Variants in RNF180 observed in about 807,000 individuals in gnomAD.
RNF180 encodes the protein ring finger protein 180, also known as E3 ubiquitin-protein ligase RNF180.
In RNF180, 38 loss-of-function variants were observed where a neutral mutation model predicts 59.2. The observed-to-expected ratio is 0.64, with a 90% CI of 0.50 to 0.84. RNF180 has a LOEUF of 0.84. Among genes scored for constraint, RNF180 ranks in the 40% least tolerant of loss-of-function variants. The pLI is 0.00. For synonymous variants in RNF180, 262 were observed against 240.3 expected, an observed-to-expected ratio of 1.09 and a Z score of -0.84; for missense variants, 705 against 700.9, an observed-to-expected ratio of 1.01 and a Z score of -0.07.
intron 7 of RNF180, among the ~76,000 whole-genome samples, chr5:64,351,173 T>A (rs1253160638): frequency 1.3e-5 from 2 of 152,148 alleles, no homozygotes; most frequent in Non-Finnish European, 2.9e-5. Context: ...TTGAAGCAAT[T>A]GTGAATGGGA....
chr5:64,171,650 T>C (rs1311100495), intron 1 of RNF180, among the ~76,000 whole-genome samples: 1 of 152,208 alleles, frequency 6.6e-6, no homozygotes, highest in African/African-American at 2.4e-5. Flanking sequence ...ACCACAACTT[T>C]TTGATCATTT....
chr5:64,278,470 G>A (rs1741840478), intron 5 of RNF180, among the ~76,000 whole-genome samples: 1 of 152,170 alleles, frequency 6.6e-6, no homozygotes, highest in East Asian at 1.9e-4. Flanking sequence ...GAAATGCTAA[G>A]TCCAGACAAG....
intron 1 of RNF180, among the ~76,000 whole-genome samples, chr5:64,185,994 C>A (rs1459055619): frequency 1.3e-5 from 2 of 152,190 alleles, no homozygotes; most frequent in African/African-American, 4.8e-5. Flanking sequence ...AAGCCCAAGT[C>A]TCTCGGCTTC....
intron 5 of RNF180, among the ~76,000 whole-genome samples, chr5:64,272,896 G>C (rs960901153): frequency 6.6e-6 from 1 of 152,000 alleles, no homozygotes; most frequent in East Asian, 1.9e-4. Flanking sequence ...GAATTGAGGT[G>C]CCTTTAAGAC....
chr5:64,248,621 G>A (rs1743346844), intron 5 of RNF180, among the ~76,000 whole-genome samples: 1 of 152,184 alleles, frequency 6.6e-6, no homozygotes, highest in Non-Finnish European at 1.5e-5. Flanking sequence ...TTCTGGAGAG[G>A]TTGTGGAGAA....
chr5:64,351,223 T>A (rs1745797391), intron 7 of RNF180, among the ~76,000 whole-genome samples: 1 of 152,190 alleles, frequency 6.6e-6, no homozygotes, highest in Admixed American at 6.5e-5. Flanking sequence ...TATTGGTGTA[T>A]AAGAATCCTT....
At chr5:64,348,393 T>G (rs924991319) in intron 7 of RNF180, among the ~76,000 whole-genome samples, 3 of 152,224 alleles carry the variant, frequency 2.0e-5, no homozygotes, top group East Asian at 3.9e-4. Flanking sequence ...TTCAAGTTAT[T>G]TTATTCTGCA....
intron 5 of RNF180, among the ~76,000 whole-genome samples, chr5:64,223,110 A>T (rs982059734): frequency 3.9e-5 from 6 of 152,232 alleles, no homozygotes; most frequent in Admixed American, 2.0e-4. Context: ...ATATGTTGAC[A>T]GGGTAGTATT....
chr5:64,188,669 T>C (rs1281455460), intron 1 of RNF180, among the ~76,000 whole-genome samples: 2 of 152,210 alleles, frequency 1.3e-5, no homozygotes, highest in Non-Finnish European at 2.9e-5. Context: ...GATTTTTCTT[T>C]CTTGTTCACT....
intron 5 of RNF180, among the ~76,000 whole-genome samples, chr5:64,274,277 T>G (rs936902125): frequency 6.6e-6 from 1 of 152,020 alleles, no homozygotes; most frequent in Non-Finnish European, 1.5e-5. Flanking sequence ...ATTCACTTAT[T>G]CTTTTTTATT....
At chr5:64,304,982 C>T (rs2112464708) in intron 5 of RNF180, among the ~76,000 whole-genome samples, 1 of 151,698 alleles carries the variant, frequency 6.6e-6, no homozygotes, top group South Asian at 2.1e-4. Flanking sequence ...CCTTCACCTC[C>T]AAAAAGGATT....
chr5:64,255,659 T>C (rs531214175), intron 5 of RNF180, among the ~76,000 whole-genome samples: 1 of 152,352 alleles, frequency 6.6e-6, no homozygotes, highest in East Asian at 1.9e-4. Context: ...ACAATAAACA[T>C]ACATATGCAT....
intron 7 of RNF180, among the ~76,000 whole-genome samples, chr5:64,333,310 T>C (rs1006148700): frequency 2.4e-4 from 36 of 152,142 alleles, no homozygotes; most frequent in African/African-American, 8.2e-4. Context: ...CCCAAGTAGC[T>C]GGGATTACAG....
At position 64,173,099 on chromosome 5, in the gene RNF180, G is replaced by A. The variant is rs560766610; in HGVS notation, c.-1+7146G>A. Among the ~76,000 whole-genome samples the A allele has an allele frequency of 2.0e-5, 3 of 152,260 alleles. No individual in the cohort carries two copies. The East Asian group carries it at 5.8e-4, about 29-fold the overall frequency. ...TATACAGCAAACTGTACAAAAAATA[G>A]AATCATATTAACCAAAACCAAATAT... is the stretch of plus-strand genomic sequence containing the variant. On this transcript the variant is annotated intron_variant, in intron 1 of 7. Transcript: ENST00000389100.
chr5:64,282,738 C>T (rs916134316), intron 5 of RNF180, among the ~76,000 whole-genome samples: 2 of 152,038 alleles, frequency 1.3e-5, no homozygotes, highest in East Asian at 1.9e-4. Flanking sequence ...ATATCTTTAT[C>T]CTCATTTGTT....
At chr5:64,191,924 T>C (rs956041669) in intron 1 of RNF180, among the ~76,000 whole-genome samples, 1 of 152,224 alleles carries the variant, frequency 6.6e-6, no homozygotes, top group African/African-American at 2.4e-5. Context: ...CAGGTTCAGA[T>C]ATTACTGTTT....
At chr5:64,191,243 CCTATCATTAA>C (rs1751142304) in intron 1 of RNF180, among the ~76,000 whole-genome samples, 1 of 152,096 alleles carries the variant, frequency 6.6e-6, no homozygotes, top group Non-Finnish European at 1.5e-5. Context: ...TGCAGTTTCT[CCTATCATTAA>C]CGTTTTGTAT....
chr5:64,287,499 T>C (rs1028004820), intron 5 of RNF180, among the ~76,000 whole-genome samples: 15 of 152,162 alleles, frequency 9.9e-5, no homozygotes, highest in Non-Finnish European at 1.9e-4. Flanking sequence ...CTCTGGTAAA[T>C]GTGCCTGCCT....
chr5:64,275,261 C>A (rs1289379142), intron 5 of RNF180, among the ~76,000 whole-genome samples: 3 of 149,386 alleles, frequency 2.0e-5, no homozygotes, highest in Non-Finnish European at 3.0e-5. Flanking sequence ...ATAATGTGGA[C>A]TTTGTGTCAG....
Sources: allele counts gnomAD v4.1 joint callset (sites outside exome capture counted in the v4.1 genomes callset), GRCh38; gene constraint gnomAD v4.1.1; transcripts MANE v1.5; gene names NCBI Gene and HGNC (gene_info 2026-07-23, HGNC 2026-07-21).